ROPN1B: variants seen among roughly 807,000 people sequenced by gnomAD.
ROPN1B encodes rhophilin associated tail protein 1B, also known as ropporin-1B.
Under a neutral mutation model 23.7 loss-of-function variants are expected in ROPN1B, and 13 were observed. That is an observed-to-expected ratio of 0.55 (90% CI 0.36 to 0.87). ROPN1B has a LOEUF of 0.87. Among genes scored for constraint, ROPN1B ranks in the 40% least tolerant of loss-of-function variants. The pLI is 0.01. For missense variants in ROPN1B, 183 were observed against 249.2 expected, an observed-to-expected ratio of 0.73 and a Z score of 1.79; for synonymous variants, 67 against 100.4, an observed-to-expected ratio of 0.67 and a Z score of 1.99.
At position 125,972,502 on chromosome 3, in the gene ROPN1B, T is replaced by C. The variant is rs566725749; in HGVS notation, c.116+332T>C. ...CCTCCCTGCACGCCTTTTCCCACTC[T>C]CGGTGGAAAGAAGGGCTGGGAATCT... On this transcript the variant is annotated intron_variant, in intron 3 of 6. Transcript: ENST00000514116. The C allele has an allele frequency of 5.8e-4, 282 of 482,484 alleles. 1 individual carries two copies. The highest frequency in any genetic ancestry group is 3.7e-3 in the African/African-American group (189 of 51,706). The allele number at this position is 482,484 out of a possible 1,614,324, so 29.9% of individuals were successfully genotyped here. A position where few individuals can be genotyped will look rare whatever the true frequency, so the allele number is the denominator to read the frequency against.
intron 5 of ROPN1B, among the ~76,000 whole-genome samples, chr3:125,980,836 G>C (rs762658608): frequency 6.6e-6 from 1 of 152,026 alleles, no homozygotes; most frequent in Non-Finnish European, 1.5e-5. Context: ...CTACCCCAAA[G>C]CATTCTCCCA....
At chr3:125,975,795 A>C in intron 4 of ROPN1B, 115 bp downstream of exon 4, 1 of 847,008 alleles carries the variant, frequency 1.2e-6, no homozygotes, top group South Asian at 2.4e-5. Flanking sequence ...GCACCACCCT[A>C]AAATACACTA....
chr3:125,970,326 A>C (rs780541538), intron 1 of ROPN1B, among the ~76,000 whole-genome samples: 1 of 152,210 alleles, frequency 6.6e-6, no homozygotes, highest in Non-Finnish European at 1.5e-5. Flanking sequence ...AGGGATGTGC[A>C]GTTGTCTGTG....
At chr3:125,979,907 C>G (rs553869520) in intron 5 of ROPN1B, among the ~76,000 whole-genome samples, 40 of 152,354 alleles carry the variant, frequency 2.6e-4, no homozygotes, top group African/African-American at 9.4e-4. Context: ...GGCACACAGA[C>G]CTGTATTCCT....
At chr3:125,970,547 A>C (rs1276037407) in intron 1 of ROPN1B, among the ~76,000 whole-genome samples, 1 of 152,156 alleles carries the variant, frequency 6.6e-6, no homozygotes, top group African/African-American at 2.4e-5. Flanking sequence ...GCCATTTCAC[A>C]TTGGGAGGCA....
chr3:125,975,160 C>T (rs1369771588), intron 3 of ROPN1B, among the ~76,000 whole-genome samples: 3 of 152,160 alleles, frequency 2.0e-5, no homozygotes, highest in Admixed American at 6.5e-5. Flanking sequence ...CCCTTTCTTA[C>T]GTACATTACT....
At chr3:125,977,510 C>G (rs1938465100) in intron 5 of ROPN1B, 1 of 381,040 alleles carries the variant, frequency 2.6e-6, no homozygotes, top group African/African-American at 2.1e-5. Flanking sequence ...AAAAAGACTT[C>G]CAGACACCTA....
At chr3:125,982,794 C>T (rs1938653562) in intron 6 of ROPN1B, among the ~76,000 whole-genome samples, 1 of 152,120 alleles carries the variant, frequency 6.6e-6, no homozygotes, top group Admixed American at 6.5e-5. Context: ...AACTCTGACT[C>T]ATGCTTAGCT....
chr3:125,980,674 C>T (rs1007923567), intron 5 of ROPN1B, among the ~76,000 whole-genome samples: 4 of 152,098 alleles, frequency 2.6e-5, no homozygotes, highest in Non-Finnish European at 4.4e-5. Context: ...TTAGGGGGAA[C>T]AATTCAGCCC....
At chr3:125,975,860 A>G (rs1938391859) in intron 4 of ROPN1B, among the ~76,000 whole-genome samples, 180 bp downstream of exon 4, 1 of 152,230 alleles carries the variant, frequency 6.6e-6, no homozygotes, top group African/African-American at 2.4e-5. Flanking sequence ...ATTTTGAAAT[A>G]GGCTGCAGGC....
chr3:125,980,877 T>C (rs977146131), intron 5 of ROPN1B, among the ~76,000 whole-genome samples: 4 of 152,164 alleles, frequency 2.6e-5, no homozygotes, highest in South Asian at 2.1e-4. Flanking sequence ...TCCTCCCAGA[T>C]AGCCGCATAT....
intron 1 of ROPN1B, among the ~76,000 whole-genome samples, chr3:125,970,386 C>A (rs1580337411): frequency 6.6e-6 from 1 of 152,172 alleles, no homozygotes; most frequent in Non-Finnish European, 1.5e-5. Flanking sequence ...GCCCTGGAGC[C>A]TTTCATTCAT....
intron 5 of ROPN1B, among the ~76,000 whole-genome samples, chr3:125,979,273 C>G (rs1282208370): frequency 1.3e-5 from 2 of 152,156 alleles, no homozygotes; most frequent in Non-Finnish European, 2.9e-5. Flanking sequence ...CCCTTATATT[C>G]ATTTCTATCA....
At position 125,982,326 on chromosome 3, in the gene ROPN1B, T is replaced by C; in HGVS notation, c.453T>C (p.Gly151=). ...AGGTCTTATCATGTGACCACAATGGTGGGTTGCCCCGAATCCCATTCAGCA... is the reference window on the plus strand; with the variant it reads ...AGGTCTTATCATGTGACCACAATGGCGGGTTGCCCCGAATCCCATTCAGCA... ...VCEVLSCDHN[G]GLPRIPFSTF... The change falls in exon 6 of 7, where the codon GGT becomes GGC. Residue 151 remains glycine, a synonymous_variant. Coordinates refer to ENST00000514116, the MANE Select transcript of ROPN1B (RefSeq NM_001308313.2). 1.2e-6 allele frequency: 2 copies of C among 1,613,456 alleles called. No individual in the cohort carries two copies. Among genetic ancestry groups the C allele is most frequent in the South Asian group, 2.2e-5 (2 of 90,906 alleles).
intron 5 of ROPN1B, chr3:125,977,874 C>A: frequency 6.6e-6 from 1 of 152,442 alleles, no homozygotes; most frequent in Non-Finnish European, 1.5e-5. Flanking sequence ...TAAAAAGAAT[C>A]CCTGAGATAC....
At chr3:125,970,820 T>C (rs1018081942) in intron 1 of ROPN1B, among the ~76,000 whole-genome samples, 1 of 152,172 alleles carries the variant, frequency 6.6e-6, no homozygotes, top group Non-Finnish European at 1.5e-5. Flanking sequence ...AAGACCACTT[T>C]AGTTTCTTGT....
At chr3:125,982,891 G>A (rs1384187744) in intron 6 of ROPN1B, among the ~76,000 whole-genome samples, 2 of 152,126 alleles carry the variant, frequency 1.3e-5, no homozygotes, top group Non-Finnish European at 2.9e-5. Flanking sequence ...TGGTCATGGC[G>A]GCTCACACCT....
chr3:125,975,837 G>A (rs1287248524), intron 4 of ROPN1B, among the ~76,000 whole-genome samples, 157 bp downstream of exon 4: 8 of 152,138 alleles, frequency 5.3e-5, no homozygotes, highest in African/African-American at 9.7e-5. Context: ...CTTCCCTTGG[G>A]GAAATGGGAA....
At chr3:125,973,936 G>T (rs897125733) in intron 3 of ROPN1B, 1 of 153,754 alleles carries the variant, frequency 6.5e-6, no homozygotes, top group African/African-American at 2.4e-5. Context: ...GTATTGGCAG[G>T]ACATATACTT....
Sources: gnomAD v4.1 joint callset for allele counts (sites outside exome capture counted in the v4.1 genomes callset) on GRCh38, gnomAD v4.1.1 for gene constraint, MANE v1.5 for transcripts, NCBI Gene and HGNC (gene_info 2026-07-23, HGNC 2026-07-21) for gene names.